The following LRCH1 variants were observed in gnomAD, a reference collection of about 807,000 sequenced individuals.
LRCH1 encodes leucine-rich repeat and calponin homology domain-containing protein 1.
LRCH1 carries 23 observed loss-of-function variants against 94.9 expected under a neutral mutation model. The ratio of observed to expected loss-of-function variants is 0.24; its 90% CI spans 0.17 to 0.34. The LOEUF (loss-of-function observed/expected upper bound fraction) is 0.34, where lower values mean the gene tolerates loss of function less well. Ranked by LOEUF, LRCH1 falls within the 10% of genes least tolerant of loss-of-function variation. LRCH1 has a pLI of 1.00. For missense variants in LRCH1, 790 were observed against 945.9 expected (o/e 0.84, Z 2.16); for synonymous variants, 364 against 354.9 (o/e 1.03, Z -0.29).
Position 46,744,666 on chromosome 13 carries a change from ATC to A in LRCH1, c.*2823_*2824del. ...AAACTAGCGCGTGGTGAGCTGGGTT[ATC>A]TCTCGAAAACTCATGTAGATGCCTG... On this transcript the variant is annotated 3_prime_UTR_variant, in exon 20 of 20. Transcript: ENST00000389797. 1.0e-6 allele frequency: 1 copy of A among 985,446 alleles called. No individual in the cohort carries two copies. Among genetic ancestry groups the A allele is most frequent in the South Asian group, 4.7e-5 (1 of 21,286 alleles). 61.0% of individuals were successfully genotyped at this position (985,446 alleles called of 1,614,324 possible). A position where few individuals can be genotyped will look rare whatever the true frequency, so the allele number is the denominator to read the frequency against.
intron 1 of LRCH1, among the ~76,000 whole-genome samples, chr13:46,626,858 T>G (rs1317987743): frequency 6.6e-6 from 1 of 152,240 alleles, no homozygotes; most frequent in African/African-American, 2.4e-5. Flanking sequence ...TGCAAGATTT[T>G]TTTAAAAAAA....
At chr13:46,559,577 C>T (rs2050107605) in intron 1 of LRCH1, among the ~76,000 whole-genome samples, 1 of 152,214 alleles carries the variant, frequency 6.6e-6, no homozygotes, top group African/African-American at 2.4e-5. Context: ...TCTCCACAAA[C>T]CTACATGCTA....
chr13:46,658,355 A>G (rs73193008), intron 2 of LRCH1, among the ~76,000 whole-genome samples: 9,365 of 152,232 alleles, frequency 0.062, 403 homozygotes, highest in East Asian at 0.21. Context: ...TAAGTCCACA[A>G]TTTCCCTGTC....
At chr13:46,631,553 G>C (rs890236029) in intron 1 of LRCH1, among the ~76,000 whole-genome samples, 1 of 152,140 alleles carries the variant, frequency 6.6e-6, no homozygotes, top group African/African-American at 2.4e-5. Flanking sequence ...TAGAGAACTT[G>C]AGTTTGAGTC....
At chr13:46,737,451 C>A (rs1873440101) in intron 19 of LRCH1, among the ~76,000 whole-genome samples, 1 of 152,136 alleles carries the variant, frequency 6.6e-6, no homozygotes, top group African/African-American at 2.4e-5. Context: ...GACAGTAGTT[C>A]TGTTGTGGCT....
chr13:46,601,413 T>C (rs1034597224), intron 1 of LRCH1, among the ~76,000 whole-genome samples: 1 of 152,184 alleles, frequency 6.6e-6, no homozygotes, highest in Non-Finnish European at 1.5e-5. Flanking sequence ...AAAAGTTCTT[T>C]AAATGAAGGA....
At chr13:46,615,192 T>TGGTTCTGCA in intron 1 of LRCH1, among the ~76,000 whole-genome samples, 1 of 152,218 alleles carries the variant, frequency 6.6e-6, no homozygotes, top group Non-Finnish European at 1.5e-5. Flanking sequence ...TATTGGCTCA[T>TGGTTCTGCA]GGTTCTGCAG....
intron 3 of LRCH1, among the ~76,000 whole-genome samples, chr13:46,670,659 C>CCG (rs1555280635): frequency 6.6e-6 from 1 of 151,802 alleles, no homozygotes; most frequent in African/African-American, 2.4e-5. Context: ...GCCCATCCCC[C>CCG]CCCAACCCTG....
intron 1 of LRCH1, among the ~76,000 whole-genome samples, chr13:46,616,776 G>A (rs2050814467): frequency 6.6e-6 from 1 of 152,232 alleles, no homozygotes; most frequent in South Asian, 2.1e-4. Context: ...TTTCACCTGG[G>A]TGCTGGTGGG....
chr13:46,602,999 C>CATACATAT (rs2050647071), intron 1 of LRCH1, among the ~76,000 whole-genome samples: 2 of 152,026 alleles, frequency 1.3e-5, no homozygotes, highest in Admixed American at 1.3e-4. Context: ...TACATACATA[C>CATACATAT]ATACATGTAA....
intron 1 of LRCH1, among the ~76,000 whole-genome samples, chr13:46,642,652 G>A (rs1472686933): frequency 6.6e-6 from 1 of 152,160 alleles, no homozygotes; most frequent in Non-Finnish European, 1.5e-5. Context: ...TTCTGGATTG[G>A]GTAAGATTTT....
intron 1 of LRCH1, among the ~76,000 whole-genome samples, chr13:46,573,260 A>G (rs1406052065): frequency 1.3e-5 from 2 of 152,132 alleles, no homozygotes; most frequent in Non-Finnish European, 2.9e-5. Context: ...GCAGCTTAGT[A>G]AATATTTGAG....
At chr13:46,565,849 A>AATAATAATG (rs1490196085) in intron 1 of LRCH1, among the ~76,000 whole-genome samples, 1 of 146,000 alleles carries the variant, frequency 6.8e-6, no homozygotes, top group Non-Finnish European at 1.5e-5. Flanking sequence ...TAATAATAAT[A>AATAATAATG]ATGACAACAA....
intron 19 of LRCH1, among the ~76,000 whole-genome samples, 168 bp from the exon 20 acceptor site, chr13:46,741,474 T>C (rs1335178928): frequency 6.6e-6 from 1 of 152,222 alleles, no homozygotes; most frequent in African/African-American, 2.4e-5. Flanking sequence ...ACTATTATGA[T>C]GGATTAAAAA....
chr13:46,601,650 G>A (rs765196664), intron 1 of LRCH1, among the ~76,000 whole-genome samples: 1 of 152,176 alleles, frequency 6.6e-6, no homozygotes, highest in South Asian at 2.1e-4. Context: ...AATGAATTAG[G>A]TTAATAAGAC....
At chr13:46,689,341 T>G (rs1870779737) in intron 7 of LRCH1, 145 bp downstream of exon 7, 3 of 590,362 alleles carry the variant, frequency 5.1e-6, no homozygotes, top group Non-Finnish European at 3.0e-6. Flanking sequence ...TCATGTGATT[T>G]GAAATCCTCG....
chr13:46,619,088 CT>C (rs1372888281), intron 1 of LRCH1, among the ~76,000 whole-genome samples: 1 of 60,914 alleles, frequency 1.6e-5, no homozygotes, highest in Non-Finnish European at 2.9e-5. Context: ...TCCTTCCTTC[CT>C]TCCTTCCTTC....
At chr13:46,677,394 C>T (rs2051692041) in intron 3 of LRCH1, among the ~76,000 whole-genome samples, 1 of 152,130 alleles carries the variant, frequency 6.6e-6, no homozygotes, top group Non-Finnish European at 1.5e-5. Flanking sequence ...CGCGCCATCG[C>T]ACTCCAATCT....
At chr13:46,585,305 T>C (rs765670577) in intron 1 of LRCH1, among the ~76,000 whole-genome samples, 10 of 152,090 alleles carry the variant, frequency 6.6e-5, no homozygotes, top group East Asian at 3.9e-4. Context: ...GAGCCGGGCG[T>C]GGTGGCTCAC....
Sources: gnomAD v4.1 joint callset for allele counts (sites outside exome capture counted in the v4.1 genomes callset) on GRCh38, gnomAD v4.1.1 for gene constraint, MANE v1.5 for transcripts, NCBI Gene and HGNC (gene_info 2026-07-23, HGNC 2026-07-21) for gene names.